The following NQO2 variants were observed in gnomAD, a reference collection of about 807,000 sequenced individuals.
NQO2 encodes the protein N-ribosyldihydronicotinamide:quinone dehydrogenase 2.
Under a neutral mutation model 22.0 loss-of-function variants are expected in NQO2, and 18 were observed. The observed-to-expected ratio is 0.82, with a 90% CI of 0.56 to 1.21. The LOEUF (loss-of-function observed/expected upper bound fraction) is 1.21. Ranked by LOEUF, NQO2 falls within the 50% of genes most tolerant of loss-of-function variation. The probability of loss-of-function intolerance (pLI) is 0.00; values close to 1 mark genes in which losing one functional copy is unlikely to be tolerated. For missense variants in NQO2, 267 were observed against 286.9 expected (o/e 0.93, Z 0.50); for synonymous variants, 106 against 110.8 (o/e 0.96, Z 0.28).
At chr6:3,003,660 A>G in intron 1 of NQO2, 1 of 650,374 alleles carries the variant, frequency 1.5e-6, no homozygotes, top group Non-Finnish European at 1.9e-6. Flanking sequence ...TTCCTTCCTC[A>G]CTGCCCAGCT....
intron 4 of NQO2, among the ~76,000 whole-genome samples, chr6:3,013,304 G>A (rs1256899917): frequency 1.3e-5 from 2 of 152,082 alleles, no homozygotes; most frequent in African/African-American, 2.4e-5. Context: ...AGATATCCAC[G>A]TAGCCAATAT....
At chr6:3,001,803 CT>C (rs753129440) in intron 1 of NQO2, among the ~76,000 whole-genome samples, 14 of 152,148 alleles carry the variant, frequency 9.2e-5, no homozygotes, top group Non-Finnish European at 1.8e-4. Context: ...CCACATGGCT[CT>C]TTTTTCCTGT....
intron 5 of NQO2, 128 bp downstream of exon 5, chr6:3,015,771 T>C (rs1022523588): frequency 1.2e-6 from 1 of 855,776 alleles, no homozygotes; most frequent in African/African-American, 1.7e-5. Context: ...ACCCACTATG[T>C]ACAAAGCACC....
chr6:3,001,619 A>G (rs1459852088), intron 1 of NQO2, among the ~76,000 whole-genome samples: 2 of 152,256 alleles, frequency 1.3e-5, no homozygotes, highest in African/African-American at 2.4e-5. Flanking sequence ...GCATGAATAC[A>G]CACTGAATAC....
At position 3,006,673 on chromosome 6, in the gene NQO2, T is replaced by G; in HGVS notation, c.7+114T>G. ...TCAAGTGACCCTCCCACATTGACCT[T>G]CCAGGTGGGAGTTAGACTCTTAATC... On this transcript the variant is annotated intron_variant, in intron 2 of 6. Coordinates refer to ENST00000380455, the MANE Select transcript of NQO2 (RefSeq NM_000904.6). This position sits in a 1 kb window ranked among gnomAD's most constrained non-coding sequence, Gnocchi z 4.0. 2.8e-6 allele frequency: 3 copies of G among 1,088,288 alleles called. No homozygotes were observed. The East Asian group carries it at 8.4e-5, about 31-fold the overall frequency. 67.4% of individuals were successfully genotyped at this position (1,088,288 alleles called of 1,614,324 possible). A position where few individuals can be genotyped will look rare whatever the true frequency, so the allele number is the denominator to read the frequency against.
At position 3,006,454 on chromosome 6, in the gene NQO2, G is replaced by A. The variant is rs747957935; in HGVS notation, c.-85-14G>A. On this transcript the variant is annotated splice_polypyrimidine_tract_variant and intron_variant, in intron 1 of 6. Coordinates refer to ENST00000380455, the MANE Select transcript of NQO2 (RefSeq NM_000904.6). The surrounding 1 kb of genome is among the most constrained non-coding windows in gnomAD (Gnocchi z 4.0). ...GCCTCTCCCCACCCCCTCTGGGTTC[G>A]TTTTGTCTTCCAGATTGCTGGACTC... is the stretch of plus-strand genomic sequence containing the variant. The A allele has an allele frequency of 5.0e-6, 8 of 1,598,924 alleles. No individual in the cohort carries two copies. The highest frequency in any genetic ancestry group is 1.7e-4 in the Middle Eastern group (1 of 6,044).
intron 6 of NQO2, 150 bp downstream of exon 6, chr6:3,017,135 C>T (rs2113464447): frequency 2.2e-6 from 2 of 908,564 alleles, no homozygotes; most frequent in South Asian, 3.2e-5. Flanking sequence ...CGTGATGCCC[C>T]ACACCATTTT....
chr6:3,006,234 G>A lies in NQO2; in HGVS notation c.-85-234G>A, dbSNP rs1581321474. 1 of 690,070 alleles carries A rather than the reference G, an allele frequency of 1.4e-6. No homozygotes were observed. The highest frequency in any genetic ancestry group is 1.8e-6 in the Non-Finnish European group (1 of 560,336). 42.7% of individuals were successfully genotyped at this position (690,070 alleles called of 1,614,324 possible). On this transcript the variant is annotated intron_variant, in intron 1 of 6. Transcript: ENST00000380455. The surrounding 1 kb of genome is among the most constrained non-coding windows in gnomAD (Gnocchi z 4.0). ...TTCCTGGGTCCTTTGCTGTATGACT[G>A]TCTGGATGGAAGGTTCAGAGTCCTC...
At chr6:3,012,053 A>G (rs1042410762) in intron 3 of NQO2, among the ~76,000 whole-genome samples, 1 of 152,274 alleles carries the variant, frequency 6.6e-6, no homozygotes, top group Non-Finnish European at 1.5e-5. Context: ...TCCACTCATT[A>G]CTAGTATTAA....
intron 6 of NQO2, among the ~76,000 whole-genome samples, chr6:3,019,009 A>T (rs1170696327): frequency 6.6e-6 from 1 of 152,148 alleles, no homozygotes; most frequent in African/African-American, 2.4e-5. Flanking sequence ...TTTTTATTAT[A>T]GGTTTATTAC....
chr6:3,000,285 C>G (rs1298160601), intron 1 of NQO2, 200 bp downstream of exon 1: 1 of 147,120 alleles, frequency 6.8e-6, no homozygotes, highest in Non-Finnish European at 1.5e-5. Context: ...GGTGTCGAAT[C>G]GTCTGGTGGA....
At chr6:3,001,215 G>A (rs568120342) in intron 1 of NQO2, among the ~76,000 whole-genome samples, 3 of 151,186 alleles carry the variant, frequency 2.0e-5, no homozygotes, top group African/African-American at 7.3e-5. Context: ...TCAGTCTCCC[G>A]AGTAGCTGGG....
rs541738749 is a variant in NQO2 at position 3,016,950 on chromosome 6, A to G, written c.484A>G (p.Asn162Asp). The G allele has an allele frequency of 5.1e-5, 82 of 1,613,964 alleles. No homozygotes were observed. Among genetic ancestry groups the G allele is most frequent in the Non-Finnish European group, 6.7e-5 (79 of 1,180,026 alleles). Residue 162 changes from asparagine (N) to aspartate (D), a missense_variant, in exon 6 of 7, where the codon AAT becomes GAT. Coordinates refer to ENST00000380455, the MANE Select transcript of NQO2 (RefSeq NM_000904.6). ...CGAGATGTACACGAAGACAGGAGTC[A>G]ATGGAGATTCTCGATACTTCCTGTG... ...TAEMYTKTGV[N>D]GDSRYFLWPL...
chr6:3,015,713 A>G, intron 5 of NQO2, 70 bp downstream of exon 5: 1 of 1,422,022 alleles, frequency 7.0e-7, no homozygotes, highest in East Asian at 2.3e-5. Context: ...TCTTCTATCA[A>G]GTTATATTTC....
At chr6:3,012,463 A>G (rs1452999450) in intron 3 of NQO2, 81 bp from the exon 4 acceptor site, 2 of 1,582,176 alleles carry the variant, frequency 1.3e-6, no homozygotes, top group Non-Finnish European at 1.7e-6. Flanking sequence ...GGAGTCCGGT[A>G]TACACAGTGC....
At position 3,010,187 on chromosome 6, in the gene NQO2, C is replaced by T. The variant is rs1033013126; in HGVS notation, c.170C>T (p.Thr57Ile). Residue 57 changes from threonine (T) to isoleucine (I), a missense_variant and splice_region_variant, in exon 3 of 7, where the codon ACT becomes ATT. By Grantham distance (89) the Thr-to-Ile change is moderately conservative (BLOSUM62 -1). Coordinates refer to ENST00000380455, the MANE Select transcript of NQO2 (RefSeq NM_000904.6). ...LEPRATDKDITGTLSNPEVFN... is the reference protein window; with the variant it reads ...LEPRATDKDIIGTLSNPEVFN... Reference sequence around the variant, plus strand: ...CCGAGGGCCACAGACAAAGATATCACTGGTGAGTCATGGGATAAATGCTCT... The same window carrying T: ...CCGAGGGCCACAGACAAAGATATCATTGGTGAGTCATGGGATAAATGCTCT... 1.2e-6 allele frequency: 2 copies of T among 1,606,232 alleles called. No individual in the cohort carries two copies. The highest frequency in any genetic ancestry group is 8.5e-7 in the Non-Finnish European group (1 of 1,176,062).
intron 1 of NQO2, chr6:3,004,260 G>A: frequency 3.5e-6 from 3 of 850,358 alleles, no homozygotes; most frequent in Non-Finnish European, 4.2e-6. Context: ...TCAATTCAGG[G>A]TCTGTCCTTG....
intron 1 of NQO2, among the ~76,000 whole-genome samples, chr6:3,003,320 G>A (rs1339802561): frequency 2.6e-5 from 4 of 151,360 alleles, no homozygotes; most frequent in Non-Finnish European, 5.9e-5. Flanking sequence ...AGGCTTTGAG[G>A]AGTGACCCCC....
intron 6 of NQO2, among the ~76,000 whole-genome samples, chr6:3,017,834 T>A (rs1035194618): frequency 6.6e-6 from 1 of 152,190 alleles, no homozygotes; most frequent in Non-Finnish European, 1.5e-5. Context: ...GTAGGGAGTT[T>A]GCTGGGAAAA....
Sources: allele counts gnomAD v4.1 joint callset (sites outside exome capture counted in the v4.1 genomes callset), GRCh38; gene constraint gnomAD v4.1.1; non-coding constraint Gnocchi (gnomAD v3.1); transcripts MANE v1.5; gene names NCBI Gene and HGNC (gene_info 2026-07-23, HGNC 2026-07-21).